USP34: variants seen among roughly 807,000 people sequenced by gnomAD.
USP34 encodes the protein ubiquitin carboxyl-terminal hydrolase 34.
Under a neutral mutation model 460.3 loss-of-function variants are expected in USP34, and 70 were observed. The ratio of observed to expected loss-of-function variants is 0.15; its 90% confidence interval spans 0.13 to 0.19. The LOEUF is 0.19. Among genes scored for constraint, USP34 ranks in the 10% least tolerant of loss-of-function variants. The pLI is 1.00. For missense variants in USP34, 3,985 were observed against 4,236.2 expected, an observed-to-expected ratio of 0.94 and a Z score of 1.65; for synonymous variants, 1,647 against 1,405.3, an observed-to-expected ratio of 1.17 and a Z score of -3.85.
intron 1 of USP34, among the ~76,000 whole-genome samples, chr2:61,450,573 C>CCAGGG (rs1322054741): frequency 3.3e-5 from 5 of 151,988 alleles, no homozygotes; most frequent in Admixed American, 6.6e-5. Flanking sequence ...ACCAGCCCGG[C>CCAGGG]CAACATGGTG....
Position 61,405,989 on chromosome 2 carries a change from C to G in USP34, c.271G>C (p.Asp91His). ...TTACTCTCATCTTGCCACGTGGAAT[C>G]TATGTTAATGGTAGTACAATGTTTA... is the stretch of plus-strand genomic sequence containing the variant. ...LCKHCTTINI[D>H]STWQDESNQA... Residue 91 changes from aspartate (D) to histidine (H), a missense_variant, in exon 3 of 80, where the codon GAT (aspartate) becomes CAT (histidine). Asp to His is a moderately conservative substitution (Grantham distance 81). This residue lies in a region of USP34 where 331 missense variants were observed against 293.7 expected (regional missense o/e 1.13). Coordinates refer to ENST00000398571, the MANE Select transcript of USP34 (RefSeq NM_014709.4). 2 of 1,613,594 alleles carry G rather than the reference C, an allele frequency of 1.2e-6. No homozygotes were observed. Among genetic ancestry groups the G allele is most frequent in the South Asian group, 2.2e-5 (2 of 91,064 alleles).
chr2:61,406,843 A>C (rs1474744217), intron 2 of USP34, among the ~76,000 whole-genome samples: 1 of 151,566 alleles, frequency 6.6e-6, no homozygotes, highest in African/African-American at 2.4e-5. Flanking sequence ...TGTCTCTACT[A>C]AAAATGCAAA....
intron 10 of USP34, 58 bp from the exon 11 acceptor site, chr2:61,350,751 C>G: frequency 6.5e-7 from 1 of 1,543,356 alleles, no homozygotes; most frequent in Non-Finnish European, 8.7e-7. Flanking sequence ...ATGTAGATTA[C>G]CTGATATAAA....
chr2:61,338,186 T>C (rs1359363440), intron 18 of USP34, among the ~76,000 whole-genome samples: 2 of 152,174 alleles, frequency 1.3e-5, no homozygotes, highest in Non-Finnish European at 2.9e-5. Context: ...CCAGCCATGA[T>C]GGCAGGTGCC....
In USP34 at chr2:61,220,377, G is replaced by T; in HGVS notation, c.7980C>A (p.Val2660=). The change falls in exon 67 of 80, where the codon GTC becomes GTA. Residue 2660 remains valine, a synonymous_variant. Transcript: ENST00000398571. ...TPRNKLAHSW[V]LQNMENWVER... Reference sequence around the variant, plus strand: ...CGACCCAGTTTTCCATATTCTGTAAGACCCAGCTGTGTGCCAGTTTATTTC... The same window carrying T: ...CGACCCAGTTTTCCATATTCTGTAATACCCAGCTGTGTGCCAGTTTATTTC... The T allele has an allele frequency of 6.2e-7, 1 of 1,613,932 alleles. No homozygotes were observed. The highest frequency in any genetic ancestry group is 8.5e-7 in the Non-Finnish European group (1 of 1,179,906).
At chr2:61,272,569 T>G (rs894899733) in intron 41 of USP34, among the ~76,000 whole-genome samples, 3 of 152,132 alleles carry the variant, frequency 2.0e-5, no homozygotes, top group Admixed American at 6.5e-5. Flanking sequence ...ATCGAAAAAC[T>G]TCCTAACTGG....
rs192135160 is a variant in USP34 at position 61,430,110 on chromosome 2, G to A, written c.44-9277C>T. ...GGCACCTGTAGTCCCAGCTACTCGA[G>A]AGGCTGAGGCAGGAGAATGGCGTGG... On this transcript the variant is annotated intron_variant, in intron 1 of 79. Coordinates refer to ENST00000398571, the MANE Select transcript of USP34 (RefSeq NM_014709.4). 2.8e-3 allele frequency among the ~76,000 whole-genome samples: 431 copies of A among 151,952 alleles called. 2 individuals carry two copies. The highest frequency in any genetic ancestry group is 0.01 in the African/African-American group (421 of 41,428).
chr2:61,197,883 C>G lies in USP34; in HGVS notation c.9509-4903G>C, dbSNP rs573527836. On this transcript the variant is annotated intron_variant, in intron 75 of 79. Coordinates refer to ENST00000398571, the MANE Select transcript of USP34 (RefSeq NM_014709.4). ...CAAACGGTTCTCCTGCCTCAGCCTC[C>G]CAAGCAGCTGGGACTACAGGCGTGC... 1.0e-3 allele frequency among the ~76,000 whole-genome samples: 155 copies of G among 152,336 alleles called. 2 individuals are homozygous for G. The South Asian group carries it at 0.031, about 31-fold the overall frequency.
intron 3 of USP34, among the ~76,000 whole-genome samples, chr2:61,400,953 C>G (rs1693698521): frequency 6.6e-6 from 1 of 151,838 alleles, no homozygotes; most frequent in Non-Finnish European, 1.5e-5. Context: ...TGATTGAGAC[C>G]ATCCTGGCCA....
intron 49 of USP34, among the ~76,000 whole-genome samples, chr2:61,248,008 G>A (rs761392683): frequency 5.9e-5 from 9 of 151,946 alleles, no homozygotes; most frequent in East Asian, 5.8e-4. Context: ...CCAACACGGC[G>A]AAACCTTGTC....
At chr2:61,346,134 T>C (rs962624151) in intron 15 of USP34, 1 of 152,142 alleles carries the variant, frequency 6.6e-6, no homozygotes, top group South Asian at 2.1e-4. Flanking sequence ...ATATCTTTTT[T>C]AGGCATTTAT....
At chr2:61,352,681 A>T (rs1310173022) in intron 10 of USP34, among the ~76,000 whole-genome samples, 2 of 35,826 alleles carry the variant, frequency 5.6e-5, no homozygotes, top group Non-Finnish European at 1.4e-4. Flanking sequence ...AACTGAGATT[A>T]AAAAAAAAAA....
chr2:61,352,783 G>A (rs1416939659), intron 10 of USP34, among the ~76,000 whole-genome samples: 1 of 151,948 alleles, frequency 6.6e-6, no homozygotes, highest in African/African-American at 2.4e-5. Context: ...AGCAGAGGAG[G>A]AGGAAGAGGA....
chr2:61,334,891 T>C (rs1056086134), intron 18 of USP34, among the ~76,000 whole-genome samples: 2 of 152,190 alleles, frequency 1.3e-5, no homozygotes, highest in Admixed American at 6.5e-5. Flanking sequence ...AATTACATTA[T>C]ACATGGCTAA....
chr2:61,325,703 AC>A (rs773414299), intron 20 of USP34, among the ~76,000 whole-genome samples: 3 of 152,180 alleles, frequency 2.0e-5, no homozygotes, highest in Non-Finnish European at 4.4e-5. Flanking sequence ...AAGAAAGCAC[AC>A]AAAAATTCAA....
chr2:61,436,476 T>C lies in USP34; in HGVS notation c.44-15643A>G, dbSNP rs151101046. The stretch of plus-strand genomic sequence containing the variant: ...AAAGGAGACAAAGAAGGACACTATA[T>C]AATAAAGGCATCAATTCAGTAAGGG... On this transcript the variant is annotated intron_variant, in intron 1 of 79. Coordinates refer to ENST00000398571, the MANE Select transcript of USP34 (RefSeq NM_014709.4). Among the ~76,000 whole-genome samples the C allele has an allele frequency of 2.8e-3, 420 of 152,250 alleles. 1 individual carries two copies. The highest frequency in any genetic ancestry group is 9.6e-3 in the African/African-American group (398 of 41,542).
intron 59 of USP34, 144 bp downstream of exon 59, chr2:61,229,404 T>G: frequency 3.7e-6 from 2 of 540,886 alleles, no homozygotes; most frequent in Non-Finnish European, 6.0e-6. Flanking sequence ...GGCGGATCAT[T>G]TGAACTTACG....
Position 61,280,351 on chromosome 2 carries a change from A to G in USP34, c.5152-3T>C. The stretch of plus-strand genomic sequence containing the variant: ...GGTTCTTCCTCATAATCATCTATCT[A>G]TTAAAAAAATTTTATACTTTGTGAA... On this transcript the variant is annotated splice_polypyrimidine_tract_variant and splice_region_variant and intron_variant, in intron 38 of 79. Transcript: ENST00000398571. 1 of 1,423,786 alleles carries G rather than the reference A, an allele frequency of 7.0e-7. No homozygotes were observed. Among genetic ancestry groups the G allele is most frequent in the Non-Finnish European group, 9.4e-7 (1 of 1,066,590 alleles). 88.2% of individuals were successfully genotyped at this position (1,423,786 alleles called of 1,614,324 possible).
At chr2:61,263,173 ATTTTT>A (rs36015748) in intron 43 of USP34, among the ~76,000 whole-genome samples, 1,176 of 97,762 alleles carry the variant, frequency 0.012, 15 homozygotes, top group African/African-American at 0.044. Flanking sequence ...CACACATGGA[ATTTTT>A]TTTTTTTTTT....
Sources: allele counts gnomAD v4.1 joint callset (sites outside exome capture counted in the v4.1 genomes callset), GRCh38; gene constraint gnomAD v4.1.1; regional missense constraint gnomAD v4.1.1; transcripts MANE v1.5; gene names NCBI Gene and HGNC (gene_info 2026-07-23, HGNC 2026-07-21).